Variants in CD63 observed in about 807,000 individuals in gnomAD.
CD63 encodes the protein CD63 antigen.
Under a neutral mutation model 29.2 loss-of-function variants are expected in CD63, and 16 were observed. That is an observed-to-expected ratio of 0.55 (90% CI 0.37 to 0.83). The LOEUF (loss-of-function observed/expected upper bound fraction) is 0.83, where lower values mean the gene tolerates loss of function less well. CD63 is among the 40% of genes least tolerant of loss of function. The pLI, the probability that CD63 is intolerant of heterozygous loss-of-function variation, is 0.00. For missense variants in CD63, 251 were observed against 297.3 expected (o/e 0.84, Z 1.15); for synonymous variants, 118 against 111.7 (o/e 1.06, Z -0.36).
chr12:55,723,581 A>G (rs1877026547), downstream of CD63: 1 of 366,790 alleles, frequency 2.7e-6, no homozygotes, highest in South Asian at 2.5e-5. Context: ...TTACATTGTA[A>G]ACTGTTATAT....
upstream of CD63, chr12:55,729,719 A>G (rs1254670278): frequency 3.3e-5 from 5 of 152,250 alleles, no homozygotes; most frequent in Non-Finnish European, 5.9e-5. Context: ...CTACCCAGTC[A>G]ATCAAGACAC....
chr12:55,727,431 G>T (rs919347497), intron 2 of CD63, 92 bp from the exon 3 acceptor site: 25 of 1,315,860 alleles, frequency 1.9e-5, no homozygotes, highest in Non-Finnish European at 2.5e-5. Flanking sequence ...ACACAGACTT[G>T]ACCCCATCCG....
upstream of CD63, chr12:55,729,262 G>A (rs1592535384): frequency 2.0e-6 from 1 of 489,766 alleles, no homozygotes; most frequent in Non-Finnish European, 2.7e-6. Context: ...GGCGCCTGGG[G>A]CCCCCCTCTG....
downstream of CD63, chr12:55,723,759 G>A (rs989121214): frequency 9.4e-7 from 1 of 1,064,114 alleles, no homozygotes; most frequent in Admixed American, 1.8e-5. Flanking sequence ...TCCCGGGGCA[G>A]TAGGCATCTC....
At chr12:55,726,505 T>A in intron 5 of CD63, 195 bp downstream of exon 5, 1 of 626,028 alleles carries the variant, frequency 1.6e-6, no homozygotes, top group Non-Finnish European at 2.8e-6. Flanking sequence ...CCACCACACC[T>A]GGCTAATTTT....
At chr12:55,727,579 G>C in intron 2 of CD63, 1 of 1,297,084 alleles carries the variant, frequency 7.7e-7, no homozygotes. Flanking sequence ...AAACCTCCCA[G>C]AAAGCCTTGA....
downstream of CD63, chr12:55,724,023 A>C (rs1314326397): frequency 1.2e-6 from 2 of 1,612,294 alleles, no homozygotes; most frequent in South Asian, 2.2e-5. Context: ...ACACAGGCCC[A>C]CTATGGGGGG....
chr12:55,729,847 G>A (rs568961105), upstream of CD63: 1 of 152,436 alleles, frequency 6.6e-6, no homozygotes, highest in South Asian at 2.1e-4. Context: ...ACGAAGGCAG[G>A]AGAGGCTTAC....
intron 2 of CD63, 79 bp from the exon 3 acceptor site, chr12:55,727,418 AG>A: frequency 7.2e-7 from 1 of 1,386,738 alleles, no homozygotes; most frequent in Admixed American, 2.1e-5. Flanking sequence ...GGGTACACCT[AG>A]GACACAGACT....
rs1228669730 is a variant in CD63 at position 55,728,313 on chromosome 12, A to T, written c.29T>A (p.Val10Glu). The T allele has an allele frequency of 6.2e-7, 1 of 1,611,388 alleles. No individual in the cohort carries two copies. The highest frequency in any genetic ancestry group is 1.3e-5 in the African/African-American group (1 of 74,944). The change falls in exon 2 of 8, where the codon GTG (valine) becomes GAG (glutamate). Residue 10 changes from valine (V) to glutamate (E), a missense_variant. Physicochemically the swap from Val to Glu is moderately radical, Grantham distance 121. Coordinates refer to ENST00000257857, the MANE Select transcript of CD63 (RefSeq NM_001780.6). This position sits in a 1 kb window ranked among gnomAD's most constrained non-coding sequence, Gnocchi z 4.8. MAVEGGMKC[V>E]KFLLYVLLLA... is the part of the protein sequence containing the mutation. The stretch of plus-strand genomic sequence containing the variant: ...CAGGAGGACGTAGAGCAAGAACTTC[A>T]CACATTTCATTCCTCCTTCCACCGC...
chr12:55,726,843 G>A, intron 4 of CD63, 47 bp downstream of exon 4: 1 of 1,607,388 alleles, frequency 6.2e-7, no homozygotes, highest in Non-Finnish European at 8.5e-7. Flanking sequence ...AAGCACCAGG[G>A]TCCCAGACCC....
Position 55,725,539 on chromosome 12 carries a change from G to C in CD63, c.*22C>G, listed in dbSNP as rs764567916. ...GATACTATTCCACTCCCCCAGATGAGGAGGCTGAGGAGACCAGACCCCTAC... is the reference window on the plus strand; with the variant it reads ...GATACTATTCCACTCCCCCAGATGACGAGGCTGAGGAGACCAGACCCCTAC... On this transcript the variant is annotated 3_prime_UTR_variant, in exon 8 of 8. Coordinates refer to ENST00000257857, the MANE Select transcript of CD63 (RefSeq NM_001780.6). The C allele has an allele frequency of 4.4e-6, 7 of 1,593,624 alleles. No individual in the cohort carries two copies. The Admixed American group carries it at 1.0e-4, about 23-fold the overall frequency.
chr12:55,725,298 C>T (rs1423086576), downstream of CD63: 1 of 534,230 alleles, frequency 1.9e-6, no homozygotes, highest in Non-Finnish European at 3.4e-6. Flanking sequence ...GTCTCTGGAT[C>T]CTCACTTCTC....
downstream of CD63, chr12:55,724,387 T>C (rs1877098903): frequency 1.9e-6 from 3 of 1,614,216 alleles, no homozygotes; most frequent in Non-Finnish European, 2.5e-6. Context: ...GGTGAGCCGA[T>C]GCCTGGAGCA....
At chr12:55,723,856 C>T (rs764111236), downstream of CD63, 2 of 1,611,042 alleles carry the variant, frequency 1.2e-6, no homozygotes, top group South Asian at 1.1e-5. Flanking sequence ...AGGGCAAGAA[C>T]CCAGCAACTT....
At chr12:55,729,769 G>C (rs1004356209), upstream of CD63, 1 of 152,264 alleles carries the variant, frequency 6.6e-6, no homozygotes, top group African/African-American at 2.4e-5. Context: ...GGATTGACAA[G>C]GTCTGTGCTT....
At position 55,729,000 on chromosome 12, in the gene CD63, G is replaced by C; in HGVS notation, c.-59C>G. 1 of 985,360 alleles carries C rather than the reference G, an allele frequency of 1.0e-6. No homozygotes were observed. The highest frequency in any genetic ancestry group is 1.2e-6 in the Non-Finnish European group (1 of 830,022). 61.0% of individuals were successfully genotyped at this position (985,360 alleles called of 1,614,324 possible). On this transcript the variant is annotated 5_prime_UTR_variant, in exon 1 of 8. Transcript: ENST00000257857. This position sits in a 1 kb window ranked among gnomAD's most constrained non-coding sequence, Gnocchi z 4.8. Reference sequence around the variant, plus strand: ...CGCGTTCCTCTCCCGCCGCGGCTCCGGGGCTCTCTAGCTGCGCCCCCCGGC... The same window carrying C: ...CGCGTTCCTCTCCCGCCGCGGCTCCCGGGCTCTCTAGCTGCGCCCCCCGGC...
chr12:55,724,670 A>G (rs1877121992), downstream of CD63: 3 of 976,972 alleles, frequency 3.1e-6, no homozygotes, highest in Non-Finnish European at 1.6e-6. Flanking sequence ...TGTTTAAAAA[A>G]TAAAAAGAAG....
chr12:55,726,402 T>G lies in CD63; in HGVS notation c.427-141A>C, dbSNP rs2136148968. ...TGTTGCCCAGACAAGTGCCCAGCGG[T>G]GGCTCAATCTCGGCTCACTGCAACC... On this transcript the variant is annotated intron_variant, in intron 5 of 7. Transcript: ENST00000257857. 5.2e-6 allele frequency: 4 copies of G among 766,426 alleles called. No individual in the cohort carries two copies. The South Asian group carries it at 5.7e-5, about 11-fold the overall frequency. The allele number at this position is 766,426 out of a possible 1,614,324, so 47.5% of individuals were successfully genotyped here.
Sources: allele counts gnomAD v4.1 joint callset, GRCh38; gene constraint gnomAD v4.1.1; non-coding constraint Gnocchi (gnomAD v3.1); transcripts MANE v1.5; gene names NCBI Gene and HGNC (gene_info 2026-07-23, HGNC 2026-07-21).